The following MICAL3 variants were observed in gnomAD, a reference collection of about 807,000 sequenced individuals.
MICAL3 encodes the protein microtubule associated monooxygenase, calponin and LIM domain containing 3, also known as [F-actin]-monooxygenase MICAL3.
Under a neutral mutation model 207.4 loss-of-function variants are expected in MICAL3, and 62 were observed. The ratio of observed to expected loss-of-function variants is 0.30; its 90% confidence interval spans 0.24 to 0.37. The LOEUF is 0.37. Ranked by LOEUF, MICAL3 falls within the 10% of genes least tolerant of loss-of-function variation. MICAL3 has a pLI of 1.00. For missense variants in MICAL3, 2,368 were observed against 2,635.6 expected, an observed-to-expected ratio of 0.90 and a Z score of 2.22; for synonymous variants, 1,077 against 1,069.3, an observed-to-expected ratio of 1.01 and a Z score of -0.14.
intron 1 of MICAL3, among the ~76,000 whole-genome samples, chr22:17,914,404 C>T (rs762488329): frequency 6.7e-5 from 10 of 148,466 alleles, no homozygotes; most frequent in Non-Finnish European, 1.2e-4. Flanking sequence ...ACCACCATCC[C>T]GCGAGGCAGG....
chr22:17,822,964 CCA>C lies in MICAL3; in HGVS notation c.3288_3289del (p.Gly1097CysfsTer2). ...ACCCCTACCATCATCCAGCTCAGCA[CCA>C]GTGTCCCCTGGGTCCCCATCCTCTG... is the stretch of plus-strand genomic sequence containing the variant. On this transcript the variant is annotated frameshift_variant, in exon 23 of 32. Transcript: ENST00000441493. LOFTEE classifies it high-confidence loss of function. 6.2e-7 allele frequency: 1 copy of C among 1,612,428 alleles called. No homozygotes were observed. The highest frequency in any genetic ancestry group is 8.5e-7 in the Non-Finnish European group (1 of 1,178,644).
intron 29 of MICAL3, among the ~76,000 whole-genome samples, chr22:17,804,582 G>T (rs1359370583): frequency 1.3e-5 from 2 of 152,238 alleles, no homozygotes; most frequent in East Asian, 3.8e-4. Flanking sequence ...TAGCCTGGTA[G>T]TTCCACAGCT....
chr22:17,820,053 G>A (rs1056910133), intron 25 of MICAL3, among the ~76,000 whole-genome samples: 3 of 150,234 alleles, frequency 2.0e-5, no homozygotes, highest in Non-Finnish European at 3.0e-5. Flanking sequence ...GATTGCTTGA[G>A]CCGAGGAGTT....
At chr22:17,800,846 A>T (rs191897309) in intron 29 of MICAL3, among the ~76,000 whole-genome samples, 3 of 152,216 alleles carry the variant, frequency 2.0e-5, no homozygotes, top group African/African-American at 7.2e-5. Flanking sequence ...GAATATTACT[A>T]AGTGCTCTAA....
At chr22:17,897,803 G>A (rs921056600) in intron 7 of MICAL3, among the ~76,000 whole-genome samples, 10 of 152,116 alleles carry the variant, frequency 6.6e-5, no homozygotes, top group Admixed American at 4.6e-4. Context: ...ATGGAGCAGA[G>A]GTTTTCAAAA....
intron 20 of MICAL3, chr22:17,840,228 A>C (rs1392468821): frequency 6.6e-6 from 1 of 151,900 alleles, no homozygotes; most frequent in Non-Finnish European, 1.5e-5. Context: ...AGTAGCTGGG[A>C]TTACAGGTGT....
intron 1 of MICAL3, among the ~76,000 whole-genome samples, chr22:17,989,017 C>T (rs1393847007): frequency 2.0e-5 from 3 of 152,088 alleles, no homozygotes; most frequent in African/African-American, 7.2e-5. Flanking sequence ...TGACTCCTCC[C>T]CGGCTGATCT....
intron 17 of MICAL3, among the ~76,000 whole-genome samples, chr22:17,870,741 C>G (rs1282743551): frequency 1.3e-5 from 2 of 152,150 alleles, no homozygotes; most frequent in Non-Finnish European, 2.9e-5. Context: ...AAACAATCTG[C>G]CTGCCTTATC....
chr22:17,858,464 A>G, intron 19 of MICAL3: 2 of 985,374 alleles, frequency 2.0e-6, no homozygotes, highest in Non-Finnish European at 2.4e-6. Context: ...GAATTCGGAA[A>G]GACTTCTCCT....
chr22:17,892,822 C>T (rs539672871), intron 11 of MICAL3, among the ~76,000 whole-genome samples: 2 of 152,334 alleles, frequency 1.3e-5, no homozygotes, highest in South Asian at 4.1e-4. Flanking sequence ...ATGACTCAAA[C>T]CTCTCAACCC....
At chr22:17,831,714 TTA>T in intron 21 of MICAL3, 138 bp downstream of exon 21, 1 of 1,376,928 alleles carries the variant, frequency 7.3e-7, no homozygotes, top group Non-Finnish European at 9.7e-7. Flanking sequence ...CCCCCATGTC[TTA>T]TGTCAGGAGG....
intron 1 of MICAL3, among the ~76,000 whole-genome samples, chr22:17,964,012 C>T (rs1935038067): frequency 6.6e-6 from 1 of 152,224 alleles, no homozygotes; most frequent in Non-Finnish European, 1.5e-5. Context: ...TGGTTACCAA[C>T]TAATTGGTAC....
At chr22:17,856,518 A>G (rs563969786) in intron 19 of MICAL3, among the ~76,000 whole-genome samples, 1 of 151,920 alleles carries the variant, frequency 6.6e-6, no homozygotes, top group East Asian at 1.9e-4. Flanking sequence ...ACCAACGCCA[A>G]TGCCCCAAGA....
chr22:17,898,107 TAA>T lies in MICAL3; in HGVS notation c.949-1128_949-1127del, dbSNP rs11381999. ...ACCAAAGGCATGGCCCCTGCCCTCT[TAA>T]AAAAAAAAAAACATGAAGGCAAAGT... On this transcript the variant is annotated intron_variant, in intron 7 of 31. Coordinates refer to ENST00000441493, the MANE Select transcript of MICAL3 (RefSeq NM_015241.3). Among the ~76,000 whole-genome samples, 398 of 148,260 alleles carry T rather than the reference TAA, an allele frequency of 2.7e-3. 5 individuals carry two copies. The highest frequency in any genetic ancestry group is 4.9e-3 in the Non-Finnish European group (330 of 66,800).
rs188215768 is a variant in MICAL3, at chr22:18,006,880, G to A, written c.-75+17401C>T. Among the ~76,000 whole-genome samples the A allele has an allele frequency of 1.2e-3, 179 of 152,222 alleles. 2 individuals carry two copies. Among genetic ancestry groups the A allele is most frequent in the African/African-American group, 4.2e-3 (175 of 41,544 alleles). ...CTGATTTCTTTTTTTGTTTTGAGAC[G>A]GAGTCCCTCTCAGCCACCCGGACTG... On this transcript the variant is annotated intron_variant, in intron 1 of 31. Coordinates refer to ENST00000441493, the MANE Select transcript of MICAL3 (RefSeq NM_015241.3).
At chr22:17,861,813 C>T (rs1351835417) in intron 19 of MICAL3, 3 of 985,034 alleles carry the variant, frequency 3.0e-6, no homozygotes, top group Admixed American at 6.2e-5. Flanking sequence ...TAAACAATGC[C>T]CCCAAACACT....
chr22:17,877,530 AGGGAGG>A, intron 16 of MICAL3, among the ~76,000 whole-genome samples: 1 of 137,374 alleles, frequency 7.3e-6, no homozygotes, highest in East Asian at 2.0e-4. Context: ...TAGGGAGGTG[AGGGAGG>A]TTATGGAGGT....
intron 1 of MICAL3, among the ~76,000 whole-genome samples, chr22:17,959,010 G>GTTTTTT (rs34107784): frequency 8.2e-5 from 7 of 85,862 alleles, no homozygotes; most frequent in African/African-American, 1.0e-4. Flanking sequence ...CGGGCCTGGG[G>GTTTTTT]TTTTTTTTTT....
chr22:17,923,257 G>GT (rs1318230350), intron 1 of MICAL3, among the ~76,000 whole-genome samples: 3 of 152,168 alleles, frequency 2.0e-5, no homozygotes, highest in African/African-American at 7.2e-5. Flanking sequence ...TGCCCTAGGG[G>GT]TGACCCTACC....
Sources: allele counts gnomAD v4.1 joint callset (sites outside exome capture counted in the v4.1 genomes callset), GRCh38; gene constraint gnomAD v4.1.1; transcripts MANE v1.5; gene names NCBI Gene and HGNC (gene_info 2026-07-23, HGNC 2026-07-21).